Variants in GMDS observed in about 807,000 individuals in gnomAD.
GMDS encodes GDP-mannose 4,6 dehydratase.
A neutral mutation model predicts 49.9 loss-of-function variants in GMDS; 20 were observed. The observed-to-expected ratio is 0.40, with a 90% CI of 0.28 to 0.58. The LOEUF (loss-of-function observed/expected upper bound fraction) is 0.58. Ranked by LOEUF, GMDS falls within the 20% of genes least tolerant of loss-of-function variation. GMDS has a pLI of 0.42. For synonymous variants in GMDS, 177 were observed against 178.6 expected (o/e 0.99, Z 0.07); for missense variants, 362 against 481.4 (o/e 0.75, Z 2.32).
At position 2,054,123 on chromosome 6, in the gene GMDS, G is replaced by C. The variant is rs1770646289; in HGVS notation, c.345+61648C>G. ...GCAAGAGTTGTAAACCTCCACTGCA[G>C]GGTGTTAGGAAGCAGAAATTTCATT... is the stretch of plus-strand genomic sequence containing the variant. On this transcript the variant is annotated intron_variant, in intron 4 of 10. Coordinates refer to ENST00000380815, the MANE Select transcript of GMDS (RefSeq NM_001500.4). Among the ~76,000 whole-genome samples the C allele has an allele frequency of 2.0e-5, 3 of 152,104 alleles. No homozygotes were observed. In the South Asian group the frequency reaches 6.2e-4, roughly 32 times the overall value.
chr6:1,886,791 G>C (rs1457019847), intron 7 of GMDS, among the ~76,000 whole-genome samples: 1 of 152,132 alleles, frequency 6.6e-6, no homozygotes, highest in Non-Finnish European at 1.5e-5. Flanking sequence ...TTTTCCAGCA[G>C]CTCCAGGCTT....
At chr6:1,794,914 G>A (rs939113403) in intron 7 of GMDS, among the ~76,000 whole-genome samples, 15 of 152,144 alleles carry the variant, frequency 9.9e-5, no homozygotes, top group Non-Finnish European at 1.8e-4. Context: ...GTCAAGGTGC[G>A]GTGGCTCACC....
chr6:1,789,338 G>A (rs1421454681), intron 7 of GMDS, among the ~76,000 whole-genome samples: 1 of 152,058 alleles, frequency 6.6e-6, no homozygotes, highest in Non-Finnish European at 1.5e-5. Context: ...TAAGCCCATG[G>A]TTGGCTTATC....
intron 4 of GMDS, among the ~76,000 whole-genome samples, chr6:2,064,583 C>G (rs1771419247): frequency 2.0e-5 from 3 of 152,122 alleles, no homozygotes; most frequent in Non-Finnish European, 4.4e-5. Flanking sequence ...CCCCGATTCC[C>G]TACAATTTCT....
intron 8 of GMDS, among the ~76,000 whole-genome samples, chr6:1,738,550 A>G (rs989484538): frequency 2.7e-4 from 41 of 152,248 alleles, no homozygotes; most frequent in African/African-American, 8.2e-4. Context: ...ATGGGAAGAG[A>G]CAGCAGAGCT....
intron 4 of GMDS, among the ~76,000 whole-genome samples, chr6:1,963,392 G>A (rs1764080704): frequency 6.6e-6 from 1 of 152,192 alleles, no homozygotes; most frequent in African/African-American, 2.4e-5. Flanking sequence ...ATGAAGCACA[G>A]AAGTCCCATT....
intron 7 of GMDS, among the ~76,000 whole-genome samples, chr6:1,773,753 T>A (rs1023129661): frequency 3.3e-5 from 5 of 152,214 alleles, no homozygotes; most frequent in African/African-American, 1.2e-4. Flanking sequence ...GGTAATTATA[T>A]CTTATTCCAA....
chr6:1,660,892 C>T (rs1200187936), intron 9 of GMDS, among the ~76,000 whole-genome samples: 1 of 151,224 alleles, frequency 6.6e-6, no homozygotes, highest in African/African-American at 2.4e-5. Context: ...CATAGTTCCA[C>T]AGGTTTGTAA....
chr6:2,223,099 A>AAATC lies in GMDS; in HGVS notation c.102+22218_102+22221dup, dbSNP rs150773580. On this transcript the variant is annotated intron_variant, in intron 1 of 10. Transcript: ENST00000380815. Reference sequence around the variant, plus strand: ...CACAATGACATGAACCAATTCCTTCAAATCAATCAATCAATCAATCAATCA... The same window carrying AAATC: ...CACAATGACATGAACCAATTCCTTCAAATCAATCAATCAATCAATCAATCAATCA... Among the ~76,000 whole-genome samples the AAATC allele has an allele frequency of 1.0e-2, 1,507 of 151,286 alleles. 12 individuals are homozygous for AAATC. Among genetic ancestry groups the AAATC allele is most frequent in the Middle Eastern group, 0.034 (10 of 294 alleles).
chr6:1,721,276 C>T (rs1264142625), intron 9 of GMDS, among the ~76,000 whole-genome samples: 2 of 152,140 alleles, frequency 1.3e-5, no homozygotes, highest in Admixed American at 1.3e-4. Flanking sequence ...GTTGTTTTAA[C>T]TAGCTTGTTG....
Position 1,624,087 on chromosome 6 carries a change from G to T in GMDS, c.*82C>A. ...CAGGGGACCCGCAGATTGGCACGCC[G>T]CTCCCCATCCCCGCAGCGCGTCTGC... is the stretch of plus-strand genomic sequence containing the variant. On this transcript the variant is annotated 3_prime_UTR_variant, in exon 11 of 11. Transcript: ENST00000380815. 7.7e-7 allele frequency: 1 copy of T among 1,296,102 alleles called. No individual in the cohort carries two copies. The highest frequency in any genetic ancestry group is 1.1e-6 in the Non-Finnish European group (1 of 913,144). The allele number at this position is 1,296,102 out of a possible 1,614,324, so 80.3% of individuals were successfully genotyped here. A position where few individuals can be genotyped will look rare whatever the true frequency, so the allele number is the denominator to read the frequency against.
intron 1 of GMDS, among the ~76,000 whole-genome samples, chr6:2,218,884 A>C (rs1381520407): frequency 6.6e-6 from 1 of 152,196 alleles, no homozygotes; most frequent in East Asian, 1.9e-4. Flanking sequence ...AGCTAACCTA[A>C]CACCTGTGCT....
intron 7 of GMDS, among the ~76,000 whole-genome samples, chr6:1,782,386 A>C (rs550714421): frequency 6.6e-6 from 1 of 152,350 alleles, no homozygotes; most frequent in South Asian, 2.1e-4. Context: ...ATCTTGAGTA[A>C]GGACAAATAG....
At chr6:2,016,858 TTTAA>T (rs1438605830) in intron 4 of GMDS, among the ~76,000 whole-genome samples, 1 of 152,154 alleles carries the variant, frequency 6.6e-6, no homozygotes, top group Non-Finnish European at 1.5e-5. Context: ...GAATATGTAT[TTTAA>T]TTGATTGAAA....
intron 1 of GMDS, among the ~76,000 whole-genome samples, chr6:2,186,779 G>A (rs542587026): frequency 3.3e-5 from 5 of 152,334 alleles, no homozygotes; most frequent in Middle Eastern, 3.4e-3. Context: ...GAGTGGTTAT[G>A]TACTAATTCT....
chr6:2,125,334 G>A (rs894366881), intron 1 of GMDS, among the ~76,000 whole-genome samples: 6 of 151,850 alleles, frequency 4.0e-5, no homozygotes, highest in African/African-American at 1.5e-4. Flanking sequence ...TCACTATGTT[G>A]CCCAGGCTGG....
chr6:1,951,508 G>A lies in GMDS; in HGVS notation c.643+8359C>T, dbSNP rs986675460. Among the ~76,000 whole-genome samples, 3 of 152,154 alleles carry A rather than the reference G, an allele frequency of 2.0e-5. No individual in the cohort carries two copies. In the East Asian group the frequency reaches 5.8e-4, roughly 29 times the overall value. On this transcript the variant is annotated intron_variant, in intron 6 of 10. Transcript: ENST00000380815. ...GTGGCAATCTCACACGGTTAATTATGGGTATATTTAAAGTACTTTATAGCT... is the reference window on the plus strand; with the variant it reads ...GTGGCAATCTCACACGGTTAATTATAGGTATATTTAAAGTACTTTATAGCT...
intron 7 of GMDS, among the ~76,000 whole-genome samples, chr6:1,848,677 G>A (rs1438577033): frequency 6.6e-6 from 1 of 152,192 alleles, no homozygotes; most frequent in Non-Finnish European, 1.5e-5. Flanking sequence ...ATAGTGGGGT[G>A]GGAACGTCCA....
intron 1 of GMDS, among the ~76,000 whole-genome samples, chr6:2,225,158 A>C (rs1780759918): frequency 6.7e-6 from 1 of 148,942 alleles, no homozygotes; most frequent in East Asian, 1.9e-4. Context: ...CGTTTCTATA[A>C]AAAATACAAA....
Sources: allele counts gnomAD v4.1 joint callset (sites outside exome capture counted in the v4.1 genomes callset), GRCh38; gene constraint gnomAD v4.1.1; transcripts MANE v1.5; gene names NCBI Gene and HGNC (gene_info 2026-07-23, HGNC 2026-07-21).